Variants in GLS observed in about 807,000 individuals in gnomAD.
The protein encoded by GLS is glutaminase kidney isoform, mitochondrial.
Under a neutral mutation model 86.7 loss-of-function variants are expected in GLS, and 36 were observed. That is an observed-to-expected ratio of 0.42 (90% confidence interval 0.32 to 0.55). GLS has a LOEUF of 0.55. Among genes scored for constraint, GLS ranks in the 20% least tolerant of loss-of-function variants. The pLI, the probability that GLS is intolerant of heterozygous loss-of-function variation, is 0.17. For missense variants in GLS, 528 were observed against 833.4 expected, an observed-to-expected ratio of 0.63 and a Z score of 4.51; for synonymous variants, 317 against 305.9, an observed-to-expected ratio of 1.04 and a Z score of -0.38.
In GLS at chr2:190,921,216, A is replaced by T. The variant is rs748490879; in HGVS notation, c.1130+13A>T. 1 of 1,554,232 alleles carries T rather than the reference A, an allele frequency of 6.4e-7. No homozygotes were observed. Among genetic ancestry groups the T allele is most frequent in the Non-Finnish European group, 8.9e-7 (1 of 1,126,096 alleles). On this transcript the variant is annotated intron_variant, in intron 9 of 17. Transcript: ENST00000320717. The surrounding 1 kb of genome is among the most constrained non-coding windows in gnomAD (Gnocchi z 4.2). ...TCAGTAATGCAACGTGAGTGTTTTA[A>T]ATACTGTTTTGTTACGTAAAAACAC...
At chr2:190,937,992 G>T (rs1690323469) in intron 14 of GLS, among the ~76,000 whole-genome samples, 1 of 151,130 alleles carries the variant, frequency 6.6e-6, no homozygotes, top group South Asian at 2.1e-4. Context: ...AACTGCTTCT[G>T]TCGGTTAATC....
chr2:190,963,655 C>T lies in GLS; in HGVS notation c.*669C>T, dbSNP rs1451608746. 1.3e-5 allele frequency: 2 copies of T among 152,624 alleles called. No homozygotes were observed. Among genetic ancestry groups the T allele is most frequent in the African/African-American group, 4.8e-5 (2 of 41,442 alleles). The allele number at this position is 152,624 out of a possible 1,614,324, so 9.5% of individuals were successfully genotyped here. ...AAAAATTTTCCTTTTTCTATATCCC[C>T]TTAGTCCAGCCTCTCTTCTCAGACA... On this transcript the variant is annotated 3_prime_UTR_variant, in exon 18 of 18. Coordinates refer to ENST00000320717, the MANE Select transcript of GLS (RefSeq NM_014905.5).
chr2:190,959,824 G>C (rs929942113), intron 17 of GLS, among the ~76,000 whole-genome samples: 10 of 152,162 alleles, frequency 6.6e-5, no homozygotes, highest in African/African-American at 2.2e-4. Flanking sequence ...AAGCTAAAAT[G>C]TATAAGAAAA....
intron 7 of GLS, among the ~76,000 whole-genome samples, chr2:190,918,255 T>A (rs1689608838): frequency 6.6e-6 from 1 of 152,192 alleles, no homozygotes; most frequent in Non-Finnish European, 1.5e-5. Context: ...TGTAGTCACC[T>A]TCATCACTGA....
Position 190,963,119 on chromosome 2 carries a change from C to T in GLS, c.*133C>T. The stretch of plus-strand genomic sequence containing the variant: ...ATTTCAGTGTTACTGGAGTTTTCTT[C>T]ATTGTGCACACAGGACAAATCTGAT... On this transcript the variant is annotated 3_prime_UTR_variant, in exon 18 of 18. Coordinates refer to ENST00000320717, the MANE Select transcript of GLS (RefSeq NM_014905.5). 1.6e-6 allele frequency: 1 copy of T among 637,962 alleles called. No homozygotes were observed. The highest frequency in any genetic ancestry group is 2.6e-6 in the Non-Finnish European group (1 of 382,238). 39.5% of individuals were successfully genotyped at this position (637,962 alleles called of 1,614,324 possible).
At position 190,953,339 on chromosome 2, in the gene GLS, T is replaced by C. The variant is rs6434430; in HGVS notation, c.1651-226T>C. Among the ~76,000 whole-genome samples the C allele has an allele frequency of 0.89, 135,790 of 152,226 alleles. 60,589 individuals are homozygous for C. Among genetic ancestry groups the C allele is most frequent in the Admixed American group, 0.91 (13,864 of 15,282 alleles). Reference sequence around the variant, plus strand: ...AGTGATATTATTCCATTCCTTCCCTTGTGTATCTTATCTTTATTATTGAAT... The same window carrying C: ...AGTGATATTATTCCATTCCTTCCCTCGTGTATCTTATCTTTATTATTGAAT... On this transcript the variant is annotated intron_variant, in intron 14 of 17. Transcript: ENST00000320717. This position sits in a 1 kb window ranked among gnomAD's most constrained non-coding sequence, Gnocchi z 4.0.
At chr2:190,884,409 A>G (rs1688307922) in intron 1 of GLS, among the ~76,000 whole-genome samples, 1 of 152,220 alleles carries the variant, frequency 6.6e-6, no homozygotes, top group Non-Finnish European at 1.5e-5. Flanking sequence ...TTATGAGAGT[A>G]ATTTTAGAGT....
chr2:190,883,256 T>C (rs1026640141), intron 1 of GLS, among the ~76,000 whole-genome samples: 3 of 152,236 alleles, frequency 2.0e-5, no homozygotes, highest in Non-Finnish European at 4.4e-5. Context: ...TTCTATTTCC[T>C]TAATGATCTG....
At position 190,963,915 on chromosome 2, in the gene GLS, T is replaced by A. The variant is rs977933759; in HGVS notation, c.*929T>A. ...AGCTCTTTAAGAAGTTTTTTTTTTT[T>A]AGCTTCTAGGGTAAAGATAAATTCA... On this transcript the variant is annotated 3_prime_UTR_variant, in exon 18 of 18. Coordinates refer to ENST00000320717, the MANE Select transcript of GLS (RefSeq NM_014905.5). The A allele has an allele frequency of 2.0e-5, 3 of 151,976 alleles. No individual in the cohort carries two copies. The highest frequency in any genetic ancestry group is 6.6e-5 in the Admixed American group (1 of 15,236). The allele number at this position is 151,976 out of a possible 1,614,324, so 9.4% of individuals were successfully genotyped here. A position where few individuals can be genotyped will look rare whatever the true frequency, so the allele number is the denominator to read the frequency against.
chr2:190,881,394 G>A lies in GLS; in HGVS notation c.310G>A (p.Gly104Ser), dbSNP rs758922808. 39 of 1,542,088 alleles carry A rather than the reference G, an allele frequency of 2.5e-5. No individual in the cohort carries two copies. Among genetic ancestry groups the A allele is most frequent in the Non-Finnish European group, 3.2e-5 (37 of 1,143,716 alleles). Residue 104 changes from glycine to serine, a missense_variant, in exon 1 of 18, where the codon GGC becomes AGC. This residue lies in a region of GLS where 224 missense variants were observed against 187.9 expected (regional missense o/e 1.19). Coordinates refer to ENST00000320717, the MANE Select transcript of GLS (RefSeq NM_014905.5). ...VSPPAAPAAP[G>S]PKDGPGETDA... ...GCCACCCGCTGCCCCGGCGGCGCCC[G>A]GCCCCAAGGACGGCCCCGGGGAGAC...
chr2:190,886,105 T>G (rs961766194), intron 1 of GLS, among the ~76,000 whole-genome samples: 1 of 152,056 alleles, frequency 6.6e-6, no homozygotes, highest in African/African-American at 2.4e-5. Flanking sequence ...CCTCCTGACC[T>G]TGTGATACGC....
At position 190,938,083 on chromosome 2, in the gene GLS, C is replaced by A. The variant is rs1337480914; in HGVS notation, c.1650+6446C>A. Among the ~76,000 whole-genome samples the A allele has an allele frequency of 6.6e-6, 1 of 151,288 alleles. No individual in the cohort carries two copies. The highest frequency in any genetic ancestry group is 1.9e-4 in the East Asian group (1 of 5,200). On this transcript the variant is annotated intron_variant, in intron 14 of 17. Transcript: ENST00000320717. This position sits in a 1 kb window ranked among gnomAD's most constrained non-coding sequence, Gnocchi z 4.1. ...TTTTTTAAAGAAAAATTATATACCA[C>A]ATCTCAATGGCAAAGAATAATTCAT...
rs1235607598 is a variant in GLS, at chr2:190,895,248, A to T, written c.483A>T (p.Thr161=). 1 of 1,194,298 alleles carries T rather than the reference A, an allele frequency of 8.4e-7. No individual in the cohort carries two copies. Among genetic ancestry groups the T allele is most frequent in the South Asian group, 1.3e-5 (1 of 76,660 alleles). 74.0% of individuals were successfully genotyped at this position (1,194,298 alleles called of 1,614,324 possible). Residue 161 remains threonine, a splice_region_variant and synonymous_variant, in exon 2 of 18, where the codon ACA becomes ACT. Transcript: ENST00000320717. This position sits in a 1 kb window ranked among gnomAD's most constrained non-coding sequence, Gnocchi z 4.2. ...QEKIPVHKFI[T]ALKSTGLRTS... Reference sequence around the variant, plus strand: ...AAATACCTGTTCATAAATTTATTACAGTAAGTTTTTATATTTTTCTATCTT... The same window carrying T: ...AAATACCTGTTCATAAATTTATTACTGTAAGTTTTTATATTTTTCTATCTT...
At chr2:190,909,265 A>G (rs537945433) in intron 6 of GLS, among the ~76,000 whole-genome samples, 2 of 152,316 alleles carry the variant, frequency 1.3e-5, no homozygotes, top group South Asian at 4.1e-4. Context: ...ATATATATGC[A>G]TTGTGGAATG....
chr2:190,886,174 T>G (rs149232514), intron 1 of GLS, among the ~76,000 whole-genome samples: 1 of 152,298 alleles, frequency 6.6e-6, no homozygotes, highest in Non-Finnish European at 1.5e-5. Flanking sequence ...CCCAGCCCAG[T>G]TTTGTTTTTT....
intron 14 of GLS, among the ~76,000 whole-genome samples, chr2:190,940,780 TCTC>T (rs923823199): frequency 1.3e-5 from 2 of 151,884 alleles, no homozygotes; most frequent in Admixed American, 6.6e-5. Flanking sequence ...GGAATTTTGT[TCTC>T]CTCATGTTGT....
chr2:190,957,724 T>G (rs1445513576), intron 17 of GLS, among the ~76,000 whole-genome samples: 1 of 152,252 alleles, frequency 6.6e-6, no homozygotes, highest in East Asian at 1.9e-4. Context: ...GATTTGCATA[T>G]GTTGAACCAG....
intron 11 of GLS, among the ~76,000 whole-genome samples, chr2:190,925,031 A>G (rs956300384): frequency 1.3e-4 from 20 of 152,254 alleles, no homozygotes; most frequent in Admixed American, 1.1e-3. Flanking sequence ...CATAAAAGGC[A>G]GTCTCATGTC....
At chr2:190,936,550 A>G (rs115954758) in intron 14 of GLS, among the ~76,000 whole-genome samples, 89 of 151,116 alleles carry the variant, frequency 5.9e-4, no homozygotes, top group African/African-American at 2.0e-3. Flanking sequence ...AGTATAACAT[A>G]CTTTACTTCT....
Sources: gnomAD v4.1 joint callset for allele counts (sites outside exome capture counted in the v4.1 genomes callset) on GRCh38, gnomAD v4.1.1 for gene constraint, gnomAD v4.1.1 regional missense constraint, Gnocchi (gnomAD v3.1) non-coding constraint, MANE v1.5 for transcripts, NCBI Gene and HGNC (gene_info 2026-07-23, HGNC 2026-07-21) for gene names.